The following CHST11 variants were observed in gnomAD, a reference collection of about 807,000 sequenced individuals.
The protein encoded by CHST11 is C4S-1.
A neutral mutation model predicts 30.4 loss-of-function variants in CHST11; 9 were observed. That is an observed-to-expected ratio of 0.30 (90% confidence interval 0.18 to 0.52). CHST11 has a LOEUF of 0.52. Among genes scored for constraint, CHST11 ranks in the 20% least tolerant of loss-of-function variants. CHST11 has a pLI of 0.97. For missense variants in CHST11, 348 were observed against 460.6 expected (o/e 0.76, Z 2.24); for synonymous variants, 152 against 187.8 (o/e 0.81, Z 1.56).
intron 1 of CHST11, among the ~76,000 whole-genome samples, chr12:104,490,033 C>T (rs1000930499): frequency 2.6e-5 from 4 of 152,190 alleles, no homozygotes; most frequent in Non-Finnish European, 5.9e-5. Context: ...TCCTCTGAGG[C>T]TCTCTTTGCA....
chr12:104,587,215 G>T (rs550275850), intron 1 of CHST11, among the ~76,000 whole-genome samples: 1 of 152,032 alleles, frequency 6.6e-6, no homozygotes, highest in Non-Finnish European at 1.5e-5. Flanking sequence ...TTTAAATTTC[G>T]AATCTTACTC....
rs547822136 is a variant in CHST11, at chr12:104,584,359, C to T, written c.119-17547C>T. Among the ~76,000 whole-genome samples the T allele has an allele frequency of 4.5e-4, 68 of 150,370 alleles. No homozygotes were observed. The South Asian group carries it at 8.0e-3, about 18-fold the overall frequency. On this transcript the variant is annotated intron_variant, in intron 1 of 2. Coordinates refer to ENST00000303694, the MANE Select transcript of CHST11 (RefSeq NM_018413.6). Reference sequence around the variant, plus strand: ...GCAACCTCTGCCTCCCGGGTTCAAGCGCTTCTTATGCCTCAGCCTCCCCAG... The same window carrying T: ...GCAACCTCTGCCTCCCGGGTTCAAGTGCTTCTTATGCCTCAGCCTCCCCAG...
At chr12:104,632,978 C>A (rs566522748) in intron 2 of CHST11, among the ~76,000 whole-genome samples, 1 of 152,350 alleles carries the variant, frequency 6.6e-6, no homozygotes, top group East Asian at 1.9e-4. Context: ...CTGGGAAACT[C>A]TTTTCTTTAT....
At chr12:104,628,649 C>G (rs1451294952) in intron 2 of CHST11, among the ~76,000 whole-genome samples, 1 of 152,124 alleles carries the variant, frequency 6.6e-6, no homozygotes, top group Admixed American at 6.5e-5. Context: ...ATCTTGGGCC[C>G]CTCTATTCCT....
intron 1 of CHST11, among the ~76,000 whole-genome samples, chr12:104,570,492 G>A (rs2038613527): frequency 6.6e-6 from 1 of 152,060 alleles, no homozygotes; most frequent in Non-Finnish European, 1.5e-5. Context: ...CAAGCTCACT[G>A]GGGATGAGCA....
chr12:104,476,765 C>G lies in CHST11; in HGVS notation c.118+19236C>G, dbSNP rs77297334. Among the ~76,000 whole-genome samples, 266 of 151,822 alleles carry G rather than the reference C, an allele frequency of 1.8e-3. 4 individuals are homozygous for G. The East Asian group carries it at 0.04, about 23-fold the overall frequency. ...ATGTCCATCTTACTATATCCCAGCT[C>G]CTTTGATTAAGCTGTCATCCAGATT... On this transcript the variant is annotated intron_variant, in intron 1 of 2. Coordinates refer to ENST00000303694, the MANE Select transcript of CHST11 (RefSeq NM_018413.6).
intron 2 of CHST11, among the ~76,000 whole-genome samples, chr12:104,673,655 C>T (rs1566032678): frequency 6.6e-6 from 1 of 152,184 alleles, no homozygotes; most frequent in Non-Finnish European, 1.5e-5. Flanking sequence ...GAAGCTACCC[C>T]AGGCAATGAG....
intron 2 of CHST11, among the ~76,000 whole-genome samples, chr12:104,699,676 A>G (rs907268447): frequency 2.6e-5 from 4 of 152,184 alleles, no homozygotes; most frequent in Admixed American, 1.3e-4. Flanking sequence ...CTTACCTACT[A>G]TGGGACCTAG....
intron 2 of CHST11, among the ~76,000 whole-genome samples, chr12:104,712,706 CT>C (rs1356194180): frequency 6.6e-6 from 1 of 152,188 alleles, no homozygotes; most frequent in East Asian, 1.9e-4. Flanking sequence ...AACAGTCCCC[CT>C]GACATTGCAT....
intron 2 of CHST11, among the ~76,000 whole-genome samples, chr12:104,748,321 G>A (rs144645124): frequency 8.5e-5 from 13 of 152,352 alleles, no homozygotes; most frequent in African/African-American, 2.9e-4. Flanking sequence ...TAGTCCAGCG[G>A]CATCAGCATC....
intron 1 of CHST11, among the ~76,000 whole-genome samples, chr12:104,468,251 T>A (rs1165943504): frequency 6.6e-6 from 1 of 151,930 alleles, no homozygotes; most frequent in Non-Finnish European, 1.5e-5. Flanking sequence ...TGAGGGTAGA[T>A]GGGAGATGAA....
At chr12:104,636,854 T>A (rs1311599640) in intron 2 of CHST11, among the ~76,000 whole-genome samples, 2 of 147,340 alleles carry the variant, frequency 1.4e-5, no homozygotes, top group Non-Finnish European at 3.0e-5. Context: ...CTACTCCTAT[T>A]TTTTTTTTTT....
intron 1 of CHST11, among the ~76,000 whole-genome samples, chr12:104,491,690 T>G (rs1470031617): frequency 6.6e-6 from 1 of 152,118 alleles, no homozygotes; most frequent in Non-Finnish European, 1.5e-5. Context: ...GTTCCCAGGC[T>G]AGTCTCAAAC....
At chr12:104,513,526 G>T (rs1193853685) in intron 1 of CHST11, among the ~76,000 whole-genome samples, 1 of 152,232 alleles carries the variant, frequency 6.6e-6, no homozygotes, top group African/African-American at 2.4e-5. Flanking sequence ...TAAGATTCTC[G>T]TTTGCAATCC....
chr12:104,624,450 CA>C (rs2039191621), intron 2 of CHST11, among the ~76,000 whole-genome samples: 1 of 151,964 alleles, frequency 6.6e-6, no homozygotes, highest in Non-Finnish European at 1.5e-5. Flanking sequence ...TTGCTTTGTA[CA>C]AAGTTGTAAG....
chr12:104,681,825 C>CTTTTTTTT (rs149441295), intron 2 of CHST11, among the ~76,000 whole-genome samples: 109 of 85,076 alleles, frequency 1.3e-3, no homozygotes, highest in African/African-American at 1.4e-3. Context: ...GTCTGTTTTG[C>CTTTTTTTT]TTTTTTTTTT....
At chr12:104,713,516 T>C (rs183137489) in intron 2 of CHST11, among the ~76,000 whole-genome samples, 3 of 152,260 alleles carry the variant, frequency 2.0e-5, no homozygotes, top group African/African-American at 7.2e-5. Context: ...AAAACGGCTC[T>C]GTATGAAGAT....
intron 2 of CHST11, among the ~76,000 whole-genome samples, chr12:104,670,355 C>G (rs1200019275): frequency 1.3e-5 from 2 of 152,120 alleles, no homozygotes; most frequent in Non-Finnish European, 1.5e-5. Flanking sequence ...GCAGGGTGGT[C>G]CTTCCCCGCT....
chr12:104,514,730 G>C (rs531799803), intron 1 of CHST11, among the ~76,000 whole-genome samples: 3 of 152,094 alleles, frequency 2.0e-5, no homozygotes, highest in Non-Finnish European at 4.4e-5. Flanking sequence ...TCTTCTTAAC[G>C]ATCAGCTCTT....
Sources: gnomAD v4.1 joint callset for allele counts (sites outside exome capture counted in the v4.1 genomes callset) on GRCh38, gnomAD v4.1.1 for gene constraint, MANE v1.5 for transcripts, NCBI Gene and HGNC (gene_info 2026-07-23, HGNC 2026-07-21) for gene names.